Variants in TMEM131 observed in about 807,000 individuals in gnomAD.
TMEM131 encodes the protein transmembrane protein 131.
A neutral mutation model predicts 211.6 loss-of-function variants in TMEM131; 66 were observed. The ratio of observed to expected loss-of-function variants is 0.31; its 90% CI spans 0.26 to 0.38. TMEM131 has a LOEUF of 0.38. Among genes scored for constraint, TMEM131 ranks in the 10% least tolerant of loss-of-function variants. TMEM131 has a pLI of 1.00. For synonymous variants in TMEM131, 844 were observed against 841.3 expected (o/e 1.00, Z -0.06); for missense variants, 2,036 against 2,299.3 (o/e 0.89, Z 2.34).
intron 1 of TMEM131, among the ~76,000 whole-genome samples, chr2:97,986,128 C>T (rs553585186): frequency 3.3e-5 from 5 of 152,072 alleles, no homozygotes; most frequent in South Asian, 2.1e-4. Flanking sequence ...TACAAATGGT[C>T]GCAAATGTAT....
chr2:97,793,444 C>T lies in TMEM131; in HGVS notation c.3496G>A (p.Gly1166Arg). 6.2e-7 allele frequency: 1 copy of T among 1,613,940 alleles called. No individual in the cohort carries two copies. The highest frequency in any genetic ancestry group is 8.5e-7 in the Non-Finnish European group (1 of 1,179,870). The change falls in exon 30 of 41, where the codon GGA becomes AGA. Residue 1166 changes from glycine to arginine, a missense_variant. By Grantham distance (125) the Gly-to-Arg change is moderately radical (BLOSUM62 -2). Transcript: ENST00000186436. ...FEASNPPFDV[G>R]RPFDLRRIVG... ...ATTCTCCTGAGATCAAATGGCCTTC[C>T]CACATCGAAGGGCGGGTTCGAGGCC...
At chr2:97,957,969 G>A (rs376363407) in intron 1 of TMEM131, among the ~76,000 whole-genome samples, 1 of 152,154 alleles carries the variant, frequency 6.6e-6, no homozygotes, top group African/African-American at 2.4e-5. Flanking sequence ...GGTGCTCCAG[G>A]TGCACTGAAA....
At chr2:97,909,748 T>C (rs893483456) in intron 2 of TMEM131, among the ~76,000 whole-genome samples, 6 of 152,184 alleles carry the variant, frequency 3.9e-5, no homozygotes, top group African/African-American at 1.4e-4. Context: ...CTAGGTAAAG[T>C]GTAAGGGTGT....
chr2:97,785,136 C>T (rs908806711), intron 31 of TMEM131, among the ~76,000 whole-genome samples: 1 of 152,104 alleles, frequency 6.6e-6, no homozygotes, highest in African/African-American at 2.4e-5. Flanking sequence ...ATCTTCCCCC[C>T]ACTTTAAGTC....
intron 1 of TMEM131, among the ~76,000 whole-genome samples, chr2:97,948,890 C>T (rs1678172742): frequency 6.6e-6 from 1 of 152,084 alleles, no homozygotes; most frequent in African/African-American, 2.4e-5. Context: ...ATCTCCTGAC[C>T]TCGTGATCTG....
At chr2:97,803,823 G>A (rs1681154140) in intron 22 of TMEM131, among the ~76,000 whole-genome samples, 1 of 152,166 alleles carries the variant, frequency 6.6e-6, no homozygotes, top group African/African-American at 2.4e-5. Context: ...GGACAACACT[G>A]TAAGTTATTT....
At chr2:97,937,826 G>A (rs535025009) in intron 1 of TMEM131, among the ~76,000 whole-genome samples, 56 of 152,280 alleles carry the variant, frequency 3.7e-4, no homozygotes, top group Middle Eastern at 3.4e-3. Flanking sequence ...GACTAACAGC[G>A]GATCTCTCTG....
intron 31 of TMEM131, among the ~76,000 whole-genome samples, chr2:97,782,024 G>A (rs1680032376): frequency 6.6e-6 from 1 of 152,230 alleles, no homozygotes; most frequent in Non-Finnish European, 1.5e-5. Context: ...GCATGCTGGC[G>A]ATGGTGCTAT....
At chr2:97,770,672 T>C (rs910643940) in intron 33 of TMEM131, among the ~76,000 whole-genome samples, 2 of 152,106 alleles carry the variant, frequency 1.3e-5, no homozygotes, top group Admixed American at 6.6e-5. Context: ...GGAACAGGGA[T>C]GGGGGTTAGG....
rs1423793067 is a variant in TMEM131, at chr2:97,797,518, T to A, written c.2719-2A>T. The stretch of plus-strand genomic sequence containing the variant: ...TGTTGAACTCTGCAGTGGATGAGCC[T>A]TGAATCATTGGGTAAACAGAGAGGA... On this transcript the variant is annotated splice_acceptor_variant, in intron 25 of 40. Coordinates refer to ENST00000186436, the MANE Select transcript of TMEM131 (RefSeq NM_015348.2). LOFTEE classifies it high-confidence loss of function. 1 of 1,605,606 alleles carries A rather than the reference T, an allele frequency of 6.2e-7. No homozygotes were observed.
At position 97,766,580 on chromosome 2, in the gene TMEM131, G is replaced by T; in HGVS notation, c.4471C>A (p.Pro1491Thr). 1.9e-6 allele frequency: 3 copies of T among 1,613,894 alleles called. No individual in the cohort carries two copies. The highest frequency in any genetic ancestry group is 2.5e-6 in the Non-Finnish European group (3 of 1,179,816). The change falls in exon 34 of 41, where the codon CCC becomes ACC. Residue 1491 changes from proline to threonine, a missense_variant. Transcript: ENST00000186436. Reference sequence around the variant, plus strand: ...CTACGTTGCTTACTTTCCAAAGGGGGAGTATATGGTAGTTCTAATGAACTG... The same window carrying T: ...CTACGTTGCTTACTTTCCAAAGGGGTAGTATATGGTAGTTCTAATGAACTG... The part of the protein sequence containing the change: ...KPSSLELPYT[P>T]PLESKQRRNL...
At position 97,805,192 on chromosome 2, in the gene TMEM131, C is replaced by T; in HGVS notation, c.2298G>A (p.Val766=). The change falls in exon 22 of 41, where the codon GTG becomes GTA. Residue 766 remains valine, a synonymous_variant. Transcript: ENST00000186436. The part of the protein sequence containing the change: ...LPFLSKSEPK[V]QPGVAMQEDM... ...CTTCCTGCATGGCTACACCAGGCTGCACTTTGGGTTCAGCTAAAACAAGGA... is the reference window on the plus strand; with the variant it reads ...CTTCCTGCATGGCTACACCAGGCTGTACTTTGGGTTCAGCTAAAACAAGGA... 1.9e-6 allele frequency: 3 copies of T among 1,612,854 alleles called. No homozygotes were observed. Among genetic ancestry groups the T allele is most frequent in the Non-Finnish European group, 2.5e-6 (3 of 1,179,482 alleles).
chr2:97,760,644 G>A lies in TMEM131; in HGVS notation c.5057C>T (p.Ser1686Phe), dbSNP rs1258576324. ...AGCGTGTGAAATGCCAAGGCTGCTG[G>A]AGAAACCTGTTTTGTTTGAAGAAAC... is the stretch of plus-strand genomic sequence containing the variant. ...AKVSSNKTGF[S>F]SSLGISHAPV... The change falls in exon 38 of 41, where the codon TCC becomes TTC. Residue 1686 changes from serine (S) to phenylalanine (F), a missense_variant. By Grantham distance (155) the Ser-to-Phe change is radical. Coordinates refer to ENST00000186436, the MANE Select transcript of TMEM131 (RefSeq NM_015348.2). 1 of 1,613,492 alleles carries A rather than the reference G, an allele frequency of 6.2e-7. No individual in the cohort carries two copies. Among genetic ancestry groups the A allele is most frequent in the East Asian group, 2.2e-5 (1 of 44,888 alleles).
chr2:97,809,861 T>C (rs1681474646), intron 18 of TMEM131, 87 bp from the exon 19 acceptor site: 2 of 999,326 alleles, frequency 2.0e-6, no homozygotes, highest in South Asian at 2.9e-5. Context: ...GGGGTTAACC[T>C]AATTTTGGGA....
intron 11 of TMEM131, among the ~76,000 whole-genome samples, chr2:97,826,656 A>AAGTC (rs1025607655): frequency 1.4e-4 from 22 of 152,266 alleles, no homozygotes; most frequent in African/African-American, 4.8e-4. Context: ...GACAAAGAGG[A>AAGTC]AGTCAGAAAG....
intron 4 of TMEM131, among the ~76,000 whole-genome samples, chr2:97,871,567 T>C (rs1448107466): frequency 3.3e-5 from 5 of 152,146 alleles, no homozygotes; most frequent in Admixed American, 6.5e-5. Flanking sequence ...TTTCAGATGT[T>C]TGCATTTCTG....
At position 97,760,200 on chromosome 2, in the gene TMEM131, G is replaced by A. The variant is rs181697457; in HGVS notation, c.5108+393C>T. 1.0e-3 allele frequency: 291 copies of A among 278,620 alleles called. 1 individual carries two copies. The highest frequency in any genetic ancestry group is 5.6e-3 in the African/African-American group (258 of 45,830). 17.3% of individuals were successfully genotyped at this position (278,620 alleles called of 1,614,324 possible). A position where few individuals can be genotyped will look rare whatever the true frequency, so the allele number is the denominator to read the frequency against. ...AAACAAGCCTGCTCAAGAAAGAGGCGTGGCCAGTGATTTACTATAAATTGG... is the reference window on the plus strand; with the variant it reads ...AAACAAGCCTGCTCAAGAAAGAGGCATGGCCAGTGATTTACTATAAATTGG... On this transcript the variant is annotated intron_variant, in intron 38 of 40. Coordinates refer to ENST00000186436, the MANE Select transcript of TMEM131 (RefSeq NM_015348.2).
At chr2:97,798,102 T>TA (rs1324991461) in intron 25 of TMEM131, among the ~76,000 whole-genome samples, 2 of 152,272 alleles carry the variant, frequency 1.3e-5, no homozygotes, top group Non-Finnish European at 2.9e-5. Flanking sequence ...CCTTGAATCT[T>TA]ATTTTGAAGG....
intron 7 of TMEM131, among the ~76,000 whole-genome samples, chr2:97,839,521 T>A (rs1683096834): frequency 6.6e-6 from 1 of 152,240 alleles, no homozygotes; most frequent in Non-Finnish European, 1.5e-5. Flanking sequence ...CTATTTGTTC[T>A]AATTTAGTAT....
Sources: gnomAD v4.1 joint callset for allele counts (sites outside exome capture counted in the v4.1 genomes callset) on GRCh38, gnomAD v4.1.1 for gene constraint, MANE v1.5 for transcripts, NCBI Gene and HGNC (gene_info 2026-07-23, HGNC 2026-07-21) for gene names.